ST7: variants seen among roughly 807,000 people sequenced by gnomAD.
ST7 encodes suppressor of tumorigenicity 7 protein.
ST7 carries 28 observed loss-of-function variants against 78.7 expected under a neutral mutation model. That is an observed-to-expected ratio of 0.36 (90% CI 0.26 to 0.49). The LOEUF (loss-of-function observed/expected upper bound fraction) is 0.49, where lower values mean the gene tolerates loss of function less well. Ranked by LOEUF, ST7 falls within the 20% of genes least tolerant of loss-of-function variation. The probability of loss-of-function intolerance (pLI) is 0.99; values close to 1 mark genes in which losing one functional copy is unlikely to be tolerated. For synonymous variants in ST7, 247 were observed against 249.6 expected, an observed-to-expected ratio of 0.99 and a Z score of 0.10; for missense variants, 418 against 696.0, an observed-to-expected ratio of 0.60 and a Z score of 4.49.
chr7:117,082,800 C>T (rs1315900753), intron 1 of ST7, among the ~76,000 whole-genome samples: 4 of 152,330 alleles, frequency 2.6e-5, no homozygotes, highest in Non-Finnish European at 4.4e-5. Context: ...AGCATGAAAG[C>T]AGTCATAGAC....
chr7:117,124,992 A>G (rs1054263891), intron 3 of ST7, among the ~76,000 whole-genome samples: 1 of 152,138 alleles, frequency 6.6e-6, no homozygotes, highest in Non-Finnish European at 1.5e-5. Context: ...TCCCTCAGCA[A>G]AACTGCAAAA....
At chr7:117,226,733 A>C (rs1012734530) in intron 15 of ST7, among the ~76,000 whole-genome samples, 2 of 152,180 alleles carry the variant, frequency 1.3e-5, no homozygotes, top group African/African-American at 2.4e-5. Context: ...CTGTGGGGGA[A>C]GGTGGCTTAG....
At chr7:117,222,823 A>C in intron 15 of ST7, 1 of 1,506,932 alleles carries the variant, frequency 6.6e-7, no homozygotes, top group South Asian at 1.1e-5. Flanking sequence ...AGAAAGGATG[A>C]TTTCTAACTT....
intron 1 of ST7, among the ~76,000 whole-genome samples, chr7:117,010,384 T>C (rs1205541318): frequency 6.6e-6 from 1 of 152,192 alleles, no homozygotes; most frequent in African/African-American, 2.4e-5. Context: ...CAGATAATCC[T>C]TTTTTTAGTG....
chr7:117,223,139 T>C lies in ST7; in HGVS notation c.1638+1077T>C, dbSNP rs1304688400. ...CCATCGTCTCGGCCTTCACAATCTG[T>C]CAGTTCTAACCTCCTAAGCAACTAG... On this transcript the variant is annotated intron_variant, in intron 15 of 15. Transcript: ENST00000323984. 3 of 626,852 alleles carry C rather than the reference T, an allele frequency of 4.8e-6. No individual in the cohort carries two copies. The African/African-American group carries it at 5.5e-5, about 11-fold the overall frequency. 38.8% of individuals were successfully genotyped at this position (626,852 alleles called of 1,614,324 possible).
chr7:117,056,767 G>A (rs1284563812), intron 1 of ST7, among the ~76,000 whole-genome samples: 1 of 152,234 alleles, frequency 6.6e-6, no homozygotes, highest in Admixed American at 6.5e-5. Context: ...TGACTTAAAA[G>A]CTGAGTAAAA....
At chr7:117,106,468 G>A (rs1036052352) in intron 2 of ST7, among the ~76,000 whole-genome samples, 18 of 151,906 alleles carry the variant, frequency 1.2e-4, no homozygotes, top group African/African-American at 3.6e-4. Flanking sequence ...TATTTCCTGA[G>A]TAAGTTCTTT....
intron 1 of ST7, among the ~76,000 whole-genome samples, chr7:117,052,427 C>G (rs906993642): frequency 1.3e-5 from 2 of 152,166 alleles, no homozygotes; most frequent in Non-Finnish European, 2.9e-5. Flanking sequence ...CAGTCTGACA[C>G]TGGTAGTTAC....
intron 1 of ST7, among the ~76,000 whole-genome samples, chr7:117,066,189 C>T (rs1036828830): frequency 7.2e-5 from 11 of 152,170 alleles, no homozygotes; most frequent in Non-Finnish European, 1.2e-4. Context: ...TTCCAGTGTG[C>T]CAATCACCTG....
At chr7:117,017,944 T>C (rs1158597410) in intron 1 of ST7, among the ~76,000 whole-genome samples, 1 of 152,192 alleles carries the variant, frequency 6.6e-6, no homozygotes, top group Non-Finnish European at 1.5e-5. Flanking sequence ...TTTAGCATAC[T>C]GATCCTGTTA....
At chr7:117,097,895 TATATATA>T (rs1801201426) in intron 1 of ST7, among the ~76,000 whole-genome samples, 2 of 24,390 alleles carry the variant, frequency 8.2e-5, no homozygotes, top group African/African-American at 1.9e-4. Flanking sequence ...TATATATATA[TATATATA>T]TATATATTTT....
chr7:117,130,376 A>G (rs532943364), intron 4 of ST7, 115 bp from the exon 5 acceptor site: 4 of 602,754 alleles, frequency 6.6e-6, no homozygotes, highest in Non-Finnish European at 8.1e-6. Flanking sequence ...TCATTAGCAA[A>G]GCTATTTTAG....
chr7:117,173,225 C>A (rs141578372), intron 10 of ST7, among the ~76,000 whole-genome samples: 1 of 152,166 alleles, frequency 6.6e-6, no homozygotes, highest in African/African-American at 2.4e-5. Flanking sequence ...AAAAGAGCCT[C>A]ATTAGTGGCA....
chr7:117,033,970 C>A (rs1796751965), intron 1 of ST7, among the ~76,000 whole-genome samples: 1 of 152,012 alleles, frequency 6.6e-6, no homozygotes, highest in South Asian at 2.1e-4. Context: ...AGAGACAGGG[C>A]CTCACTCTGC....
At chr7:117,145,258 A>G (rs1241594659) in intron 9 of ST7, 1 of 152,206 alleles carries the variant, frequency 6.6e-6, no homozygotes, top group African/African-American at 2.4e-5. Flanking sequence ...GTGGTGAAGA[A>G]AAACTTCATC....
intron 1 of ST7, among the ~76,000 whole-genome samples, chr7:117,082,161 A>C (rs1799833219): frequency 1.3e-5 from 2 of 152,230 alleles, no homozygotes; most frequent in Non-Finnish European, 2.9e-5. Flanking sequence ...TATTTTAATC[A>C]CATCTACAAA....
intron 1 of ST7, among the ~76,000 whole-genome samples, chr7:116,975,500 C>G (rs905231092): frequency 4.6e-5 from 7 of 152,048 alleles, no homozygotes; most frequent in Non-Finnish European, 8.8e-5. Flanking sequence ...CTCCACCTCC[C>G]GGGTTCAAGC....
At chr7:117,177,738 C>G (rs38863) in intron 10 of ST7, among the ~76,000 whole-genome samples, 19,430 of 152,110 alleles carry the variant, frequency 0.13, 2,357 homozygotes, top group African/African-American at 0.31. Flanking sequence ...CCTTTTATTT[C>G]TTCAGTGAAA....
rs868836794 is a variant in ST7, at chr7:117,015,053, T to G, written c.151+61362T>G. The G allele has an allele frequency of 3.9e-6, 4 of 1,027,072 alleles. No individual in the cohort carries two copies. In the African/African-American group the frequency reaches 6.6e-5, roughly 17 times the overall value. 63.6% of individuals were successfully genotyped at this position (1,027,072 alleles called of 1,614,324 possible). ...TTAAATATTTTCCAGTTATGTAGAA[T>G]TACTTTAAAAATAATATTTTGAATT... On this transcript the variant is annotated intron_variant, in intron 1 of 15. Coordinates refer to ENST00000323984, the MANE Select transcript of ST7 (RefSeq NM_001369598.1).
Sources: allele counts gnomAD v4.1 joint callset (sites outside exome capture counted in the v4.1 genomes callset), GRCh38; gene constraint gnomAD v4.1.1; transcripts MANE v1.5; gene names NCBI Gene and HGNC (gene_info 2026-07-23, HGNC 2026-07-21).